Variants in ADAMTS16 observed in about 807,000 individuals in gnomAD.
ADAMTS16 encodes the protein ADAM metallopeptidase with thrombospondin type 1 motif 16.
In ADAMTS16, 94 loss-of-function variants were observed where a neutral mutation model predicts 145.8. The observed-to-expected ratio is 0.64, with a 90% CI of 0.55 to 0.77. ADAMTS16 has a LOEUF of 0.77. ADAMTS16 is among the 30% of genes least tolerant of loss of function. The pLI is 0.00. For synonymous variants in ADAMTS16, 659 were observed against 604.3 expected (o/e 1.09, Z -1.33); for missense variants, 1,585 against 1,591.5 (o/e 1.00, Z 0.07).
At chr5:5,168,666 TATA>T (rs1469296730) in intron 3 of ADAMTS16, among the ~76,000 whole-genome samples, 17 of 90,902 alleles carry the variant, frequency 1.9e-4, no homozygotes, top group Admixed American at 3.5e-4. Context: ...ATTATATTTA[TATA>T]ATAATTATAA....
At chr5:5,304,093 C>A (rs1010896058) in intron 20 of ADAMTS16, among the ~76,000 whole-genome samples, 2 of 152,156 alleles carry the variant, frequency 1.3e-5, no homozygotes, top group Admixed American at 6.5e-5. Flanking sequence ...TGGAGACTCA[C>A]CTAACTCCTG....
At chr5:5,216,768 C>T (rs1406245312) in intron 10 of ADAMTS16, among the ~76,000 whole-genome samples, 1 of 126,838 alleles carries the variant, frequency 7.9e-6, no homozygotes, top group Non-Finnish European at 1.6e-5. Context: ...CCCCCCACCC[C>T]ACAACCGTCC....
chr5:5,187,314 T>G (rs1405134842), intron 5 of ADAMTS16, among the ~76,000 whole-genome samples: 2 of 152,158 alleles, frequency 1.3e-5, no homozygotes, highest in African/African-American at 4.8e-5. Flanking sequence ...TCTCATCATC[T>G]CATTACCATG....
chr5:5,242,106 C>G lies in ADAMTS16; in HGVS notation c.2577C>G (p.Arg859=), dbSNP rs1165353041. 3.7e-6 allele frequency: 6 copies of G among 1,614,192 alleles called. No individual in the cohort carries two copies. Among genetic ancestry groups the G allele is most frequent in the Admixed American group, 1.7e-5 (1 of 60,026 alleles). ...TTGCCTGGGAATACTCCATGCCTCG[C>G]TTGGGGACCGAGAAGCAGCCCCCTG... ...PGVAWEYSMP[R]LGTEKQPPAQ... The change falls in exon 17 of 23, where the codon CGC becomes CGG. Residue 859 remains arginine, a synonymous_variant. Transcript: ENST00000274181.
intron 3 of ADAMTS16, among the ~76,000 whole-genome samples, chr5:5,163,637 G>A (rs1734794924): frequency 6.6e-6 from 1 of 152,176 alleles, no homozygotes; most frequent in African/African-American, 2.4e-5. Context: ...GCCATGATGA[G>A]GCCATGTCTT....
At chr5:5,201,397 A>G (rs1579306774) in intron 9 of ADAMTS16, among the ~76,000 whole-genome samples, 1 of 152,348 alleles carries the variant, frequency 6.6e-6, no homozygotes, top group East Asian at 1.9e-4. Flanking sequence ...TTTAAAATGA[A>G]GAACAGAGGG....
chr5:5,296,141 C>T (rs1039545628), intron 18 of ADAMTS16, among the ~76,000 whole-genome samples: 5 of 152,186 alleles, frequency 3.3e-5, no homozygotes, highest in Non-Finnish European at 7.3e-5. Context: ...TCCGAAACCC[C>T]TTTGGTTCTG....
chr5:5,261,684 C>T (rs1334481412), intron 17 of ADAMTS16, among the ~76,000 whole-genome samples: 2 of 152,140 alleles, frequency 1.3e-5, no homozygotes, highest in Admixed American at 1.3e-4. Flanking sequence ...CGGAGTTTCA[C>T]CATGTTGGCC....
intron 18 of ADAMTS16, among the ~76,000 whole-genome samples, chr5:5,295,763 C>T (rs1364690558): frequency 6.6e-6 from 1 of 152,202 alleles, no homozygotes; most frequent in African/African-American, 2.4e-5. Flanking sequence ...GAAATAGATC[C>T]AGAGAATACT....
At chr5:5,248,662 C>T (rs576543244) in intron 17 of ADAMTS16, among the ~76,000 whole-genome samples, 7 of 152,130 alleles carry the variant, frequency 4.6e-5, no homozygotes, top group East Asian at 1.9e-4. Flanking sequence ...CATAAATGTT[C>T]GGAGAAGTAA....
At chr5:5,240,805 C>T (rs1737263635) in intron 16 of ADAMTS16, among the ~76,000 whole-genome samples, 1 of 152,186 alleles carries the variant, frequency 6.6e-6, no homozygotes, top group South Asian at 2.1e-4. Context: ...ACTCTTTCAT[C>T]CTATCCCTTT....
At chr5:5,193,518 T>A (rs933157361) in intron 8 of ADAMTS16, among the ~76,000 whole-genome samples, 1 of 152,210 alleles carries the variant, frequency 6.6e-6, no homozygotes, top group African/African-American at 2.4e-5. Context: ...AAGAAATATT[T>A]AAGTCACTGA....
intron 3 of ADAMTS16, among the ~76,000 whole-genome samples, chr5:5,155,555 T>C (rs962743242): frequency 1.3e-5 from 2 of 152,144 alleles, no homozygotes; most frequent in Non-Finnish European, 1.5e-5. Context: ...GGGGAGAGTT[T>C]GGGATTTTCA....
chr5:5,215,181 A>G (rs920557188), intron 10 of ADAMTS16, among the ~76,000 whole-genome samples: 1 of 152,244 alleles, frequency 6.6e-6, no homozygotes, highest in Non-Finnish European at 1.5e-5. Context: ...ATGTGTATGT[A>G]TGTTTACATA....
In ADAMTS16 at chr5:5,243,267, A is replaced by G. The variant is rs145565374; in HGVS notation, c.2662+1076A>G. On this transcript the variant is annotated intron_variant, in intron 17 of 22. Transcript: ENST00000274181. Reference sequence around the variant, plus strand: ...ATTATGGATGCTGGTAAAGCTAATGACTGAATGAAATACTGTCTTAGGAAA... The same window carrying G: ...ATTATGGATGCTGGTAAAGCTAATGGCTGAATGAAATACTGTCTTAGGAAA... Among the ~76,000 whole-genome samples, 21 of 152,340 alleles carry G rather than the reference A, an allele frequency of 1.4e-4. No homozygotes were observed. In the East Asian group the frequency reaches 3.3e-3, roughly 24 times the overall value.
chr5:5,201,016 T>C (rs1735938368), intron 9 of ADAMTS16, among the ~76,000 whole-genome samples: 1 of 152,208 alleles, frequency 6.6e-6, no homozygotes, highest in Admixed American at 6.5e-5. Flanking sequence ...TGAAGTTTGG[T>C]TTAAATCTTA....
At chr5:5,236,614 GT>G (rs11288893) in intron 13 of ADAMTS16, among the ~76,000 whole-genome samples, 143,027 of 148,084 alleles carry the variant, frequency 0.97, 69,051 homozygotes, top group South Asian at 0.99. Context: ...CAAAATGGCA[GT>G]TTTTTTTTTT....
rs74748876 is a variant in ADAMTS16, at chr5:5,189,063, T to C, written c.1048-908T>C. On this transcript the variant is annotated intron_variant, in intron 6 of 22. Coordinates refer to ENST00000274181, the MANE Select transcript of ADAMTS16 (RefSeq NM_139056.4). Reference sequence around the variant, plus strand: ...GCATTTTGCTTGGGTATATTTGACTTTCTGTAAAAACAACATAAACATTTC... The same window carrying C: ...GCATTTTGCTTGGGTATATTTGACTCTCTGTAAAAACAACATAAACATTTC... Among the ~76,000 whole-genome samples the C allele has an allele frequency of 1.3e-3, 198 of 152,294 alleles. 4 individuals are homozygous for C. In the East Asian group the frequency reaches 0.024, roughly 18 times the overall value.
intron 20 of ADAMTS16, among the ~76,000 whole-genome samples, chr5:5,305,043 C>T (rs940108509): frequency 2.2e-5 from 1 of 45,200 alleles, no homozygotes; most frequent in Admixed American, 2.1e-4. Flanking sequence ...CCATCCCACA[C>T]CACACACACA....
Sources: gnomAD v4.1 joint callset for allele counts (sites outside exome capture counted in the v4.1 genomes callset) on GRCh38, gnomAD v4.1.1 for gene constraint, MANE v1.5 for transcripts, NCBI Gene and HGNC (gene_info 2026-07-23, HGNC 2026-07-21) for gene names.